Variants in ERLIN1 observed in about 807,000 individuals in gnomAD.
The protein encoded by ERLIN1 is ER lipid raft associated 1, also known as erlin-1.
In ERLIN1, 24 loss-of-function variants were observed where a neutral mutation model predicts 46.9. The ratio of observed to expected loss-of-function variants is 0.51; its 90% CI spans 0.37 to 0.72. The LOEUF (loss-of-function observed/expected upper bound fraction) is 0.72. Among genes scored for constraint, ERLIN1 ranks in the 30% least tolerant of loss-of-function variants. ERLIN1 has a pLI of 0.00. For missense variants in ERLIN1, 293 were observed against 417.9 expected, an observed-to-expected ratio of 0.70 and a Z score of 2.61; for synonymous variants, 158 against 143.2, an observed-to-expected ratio of 1.10 and a Z score of -0.74.
At chr10:100,171,959 G>C (rs1280093595) in intron 6 of ERLIN1, among the ~76,000 whole-genome samples, 1 of 152,082 alleles carries the variant, frequency 6.6e-6, no homozygotes, top group African/African-American at 2.4e-5. Context: ...CTGCTAATGA[G>C]GGGGGGAGCT....
chr10:100,173,150 G>A (rs969724715), intron 6 of ERLIN1, among the ~76,000 whole-genome samples: 1 of 152,184 alleles, frequency 6.6e-6, no homozygotes, highest in Non-Finnish European at 1.5e-5. Context: ...CAATCACAGT[G>A]AGCGCACACT....
chr10:100,172,674 A>C (rs1038988545), intron 6 of ERLIN1, among the ~76,000 whole-genome samples: 2 of 152,198 alleles, frequency 1.3e-5, no homozygotes, highest in African/African-American at 4.8e-5. Context: ...ATTGCTTCCA[A>C]TGTTGGTGAG....
chr10:100,160,768 G>A (rs969505618), intron 8 of ERLIN1, among the ~76,000 whole-genome samples: 3 of 152,096 alleles, frequency 2.0e-5, no homozygotes. Context: ...GCAACATGGT[G>A]AAACCCTGTC....
In ERLIN1 at chr10:100,185,926, C is replaced by G. The variant is rs1844952135; in HGVS notation, c.-300G>C. 4.4e-6 allele frequency: 2 copies of G among 455,284 alleles called. No individual in the cohort carries two copies. Among genetic ancestry groups the G allele is most frequent in the East Asian group, 6.9e-5 (2 of 29,058 alleles). 28.2% of individuals were successfully genotyped at this position (455,284 alleles called of 1,614,324 possible). On this transcript the variant is annotated 5_prime_UTR_variant, in exon 1 of 11. Transcript: ENST00000421367. Reference sequence around the variant, plus strand: ...AACTGAGAAGAAGCCCAGCCGCAGGCTCGCGAGGAAAGCCGACCCCTCGGC... The same window carrying G: ...AACTGAGAAGAAGCCCAGCCGCAGGGTCGCGAGGAAAGCCGACCCCTCGGC...
At chr10:100,160,057 G>T (rs1843282406) in intron 8 of ERLIN1, among the ~76,000 whole-genome samples, 1 of 151,986 alleles carries the variant, frequency 6.6e-6, no homozygotes, top group African/African-American at 2.4e-5. Context: ...AATGAAAAGG[G>T]GCACACAGAT....
At position 100,150,567 on chromosome 10, in the gene ERLIN1, T is replaced by C. The variant is rs534970737; in HGVS notation, c.*1564A>G. The C allele has an allele frequency of 6.5e-6, 1 of 152,760 alleles. No homozygotes were observed. Among genetic ancestry groups the C allele is most frequent in the South Asian group, 2.1e-4 (1 of 4,828 alleles). The allele number at this position is 152,760 out of a possible 1,614,324, so 9.5% of individuals were successfully genotyped here. ...AAAATGAAAAATTATTTTCTCCATA[T>C]TACAAATGCCTCTATAGGATAAGGC... On this transcript the variant is annotated 3_prime_UTR_variant, in exon 11 of 11. Transcript: ENST00000421367.
intron 4 of ERLIN1, among the ~76,000 whole-genome samples, chr10:100,176,628 A>G (rs967723955): frequency 2.0e-5 from 3 of 152,230 alleles, no homozygotes; most frequent in African/African-American, 7.2e-5. Context: ...CAGGTAATTT[A>G]CATAAATTAG....
rs1021737679 is a variant in ERLIN1 at position 100,151,329 on chromosome 10, C to T, written c.*802G>A. ...TGTGGCTAAAACCAGGTACCTTAGTCAAGCATGGCCTGCGGCAGTGATGCT... is the reference window on the plus strand; with the variant it reads ...TGTGGCTAAAACCAGGTACCTTAGTTAAGCATGGCCTGCGGCAGTGATGCT... On this transcript the variant is annotated 3_prime_UTR_variant, in exon 11 of 11. Transcript: ENST00000421367. 2.6e-5 allele frequency: 4 copies of T among 152,680 alleles called. No homozygotes were observed. In the East Asian group the frequency reaches 5.8e-4, roughly 22 times the overall value. The allele number at this position is 152,680 out of a possible 1,614,324, so 9.5% of individuals were successfully genotyped here. A position where few individuals can be genotyped will look rare whatever the true frequency, so the allele number is the denominator to read the frequency against.
At chr10:100,170,994 T>G (rs1843960415) in intron 6 of ERLIN1, among the ~76,000 whole-genome samples, 1 of 152,206 alleles carries the variant, frequency 6.6e-6, no homozygotes, top group African/African-American at 2.4e-5. Context: ...TTACCCAATT[T>G]GGGGTTGAGG....
At chr10:100,160,208 A>G (rs1053702155) in intron 8 of ERLIN1, among the ~76,000 whole-genome samples, 1 of 152,206 alleles carries the variant, frequency 6.6e-6, no homozygotes, top group African/African-American at 2.4e-5. Flanking sequence ...GTATCTGAAT[A>G]TACCTATACT....
intron 10 of ERLIN1, among the ~76,000 whole-genome samples, chr10:100,154,585 T>C (rs1352357407): frequency 6.6e-6 from 1 of 152,216 alleles, no homozygotes; most frequent in Non-Finnish European, 1.5e-5. Flanking sequence ...AAATAGACTT[T>C]ACTCTTCTGT....
At chr10:100,175,002 G>C (rs1844210523) in intron 5 of ERLIN1, among the ~76,000 whole-genome samples, 1 of 152,158 alleles carries the variant, frequency 6.6e-6, no homozygotes, top group Non-Finnish European at 1.5e-5. Context: ...GACTCAATTG[G>C]TAGATTTTAA....
chr10:100,162,765 T>C (rs937917531), intron 8 of ERLIN1, among the ~76,000 whole-genome samples: 3 of 152,212 alleles, frequency 2.0e-5, no homozygotes, highest in East Asian at 3.8e-4. Flanking sequence ...AACTGCTGTA[T>C]TAAAATGCTA....
intron 2 of ERLIN1, among the ~76,000 whole-genome samples, chr10:100,180,154 G>C (rs1370890288): frequency 6.6e-6 from 1 of 152,110 alleles, no homozygotes; most frequent in Non-Finnish European, 1.5e-5. Context: ...CAACAATCTG[G>C]TACTTAATTG....
intron 5 of ERLIN1, 61 bp downstream of exon 5, chr10:100,175,884 A>C: frequency 6.7e-7 from 1 of 1,496,832 alleles, no homozygotes; most frequent in Non-Finnish European, 9.2e-7. Flanking sequence ...TAACCTCAAT[A>C]AGTAAGCTGA....
intron 4 of ERLIN1, among the ~76,000 whole-genome samples, chr10:100,177,626 C>T (rs1844387168): frequency 6.6e-6 from 1 of 152,190 alleles, no homozygotes; most frequent in Non-Finnish European, 1.5e-5. Flanking sequence ...TATCTTTCTT[C>T]AGGGCTTCTA....
intron 10 of ERLIN1, among the ~76,000 whole-genome samples, chr10:100,154,100 G>C (rs1239159307): frequency 6.6e-6 from 1 of 151,976 alleles, no homozygotes; most frequent in Non-Finnish European, 1.5e-5. Flanking sequence ...GTTCCAATCT[G>C]CTCCACGATA....
chr10:100,158,712 T>G (rs999901602), intron 8 of ERLIN1, among the ~76,000 whole-genome samples: 2 of 152,166 alleles, frequency 1.3e-5, no homozygotes, highest in African/African-American at 4.8e-5. Flanking sequence ...AATGTAAGAC[T>G]GGAGGACAGT....
At chr10:100,165,641 C>T (rs577897879) in intron 7 of ERLIN1, among the ~76,000 whole-genome samples, 1 of 152,254 alleles carries the variant, frequency 6.6e-6, no homozygotes, top group Admixed American at 6.5e-5. Context: ...CCACCTTGGC[C>T]TCCCAAAAGT....
Sources: allele counts gnomAD v4.1 joint callset (sites outside exome capture counted in the v4.1 genomes callset), GRCh38; gene constraint gnomAD v4.1.1; transcripts MANE v1.5; gene names NCBI Gene and HGNC (gene_info 2026-07-23, HGNC 2026-07-21).